Variants in HDAC5 observed in about 807,000 individuals in gnomAD.
HDAC5 encodes antigen NY-CO-9.
A neutral mutation model predicts 133.3 loss-of-function variants in HDAC5; 25 were observed. The observed-to-expected ratio is 0.19, with a 90% CI of 0.14 to 0.26. The LOEUF (loss-of-function observed/expected upper bound fraction) is 0.26, where lower values mean the gene tolerates loss of function less well. HDAC5 is among the 10% of genes least tolerant of loss of function. The pLI is 1.00. For synonymous variants in HDAC5, 589 were observed against 610.8 expected (o/e 0.96, Z 0.53); for missense variants, 1,041 against 1,460.5 (o/e 0.71, Z 4.68).
intron 2 of HDAC5, among the ~76,000 whole-genome samples, chr17:44,112,424 C>T (rs2052401757): frequency 6.6e-6 from 1 of 152,138 alleles, no homozygotes; most frequent in Non-Finnish European, 1.5e-5. Context: ...GCCCCCTGAC[C>T]TCACTAGAGC....
chr17:44,117,782 T>G lies in HDAC5; in HGVS notation c.-189-78A>C, dbSNP rs2052737794. On this transcript the variant is annotated intron_variant, in intron 1 of 26. Coordinates refer to ENST00000682912, the MANE Select transcript of HDAC5 (RefSeq NM_005474.5). The surrounding 1 kb of genome is among the most constrained non-coding windows in gnomAD (Gnocchi z 4.2). ...CGAAGGAGACCTTGGAGCTCATCAG[T>G]TTGTACCTGGGGATGAGGGATGAGA... 3.4e-5 allele frequency: 20 copies of G among 586,942 alleles called. No individual in the cohort carries two copies. The South Asian group carries it at 4.1e-4, about 12-fold the overall frequency. 36.4% of individuals were successfully genotyped at this position (586,942 alleles called of 1,614,324 possible).
At chr17:44,079,442 C>G (rs1273450301) in intron 23 of HDAC5, 165 bp from the exon 24 acceptor site, 7 of 578,762 alleles carry the variant, frequency 1.2e-5, no homozygotes, top group Non-Finnish European at 2.1e-5. Context: ...GAGTTCGAGA[C>G]CAGCCTGACC....
At position 44,117,191 on chromosome 17, in the gene HDAC5, C is replaced by G. The variant is rs2052699513; in HGVS notation, c.22+303G>C. 6.6e-6 allele frequency among the ~76,000 whole-genome samples: 1 copy of G among 152,264 alleles called. No homozygotes were observed. Among genetic ancestry groups the G allele is most frequent in the African/African-American group, 2.4e-5 (1 of 41,468 alleles). ...GATTAAGGGATACACACTGCCCCCT[C>G]AGGCCCACCTGTCTTGGCTAGCAGG... On this transcript the variant is annotated intron_variant, in intron 2 of 26. Transcript: ENST00000682912. This position sits in a 1 kb window ranked among gnomAD's most constrained non-coding sequence, Gnocchi z 4.2.
intron 3 of HDAC5, among the ~76,000 whole-genome samples, chr17:44,105,848 C>G (rs538450275): frequency 6.6e-6 from 1 of 152,312 alleles, no homozygotes; most frequent in Non-Finnish European, 1.5e-5. Context: ...CCCTGTGACC[C>G]ATGTCCACAC....
chr17:44,099,247 G>A (rs886737106), intron 3 of HDAC5, among the ~76,000 whole-genome samples: 3 of 152,176 alleles, frequency 2.0e-5, no homozygotes, highest in Non-Finnish European at 4.4e-5. Context: ...GCCACCTCCT[G>A]CAGAGGTCAG....
chr17:44,091,527 G>C, intron 10 of HDAC5, 35 bp from the exon 11 acceptor site: 1 of 1,531,058 alleles, frequency 6.5e-7, no homozygotes, highest in Non-Finnish European at 8.8e-7. Context: ...TACAGCCTCA[G>C]TCCTGCCAAC....
chr17:44,079,510 C>G lies in HDAC5; in HGVS notation c.2945-233G>C, dbSNP rs183321733. 5.8e-3 allele frequency among the ~76,000 whole-genome samples: 887 copies of G among 151,822 alleles called. 10 individuals are homozygous for G. Among genetic ancestry groups the G allele is most frequent in the African/African-American group, 0.02 (830 of 41,398 alleles). ...CAATAATTAGCCGGCCATGGTGGCA[C>G]GCGCCTGTAATCCCAGCTACTTGGG... On this transcript the variant is annotated intron_variant, in intron 23 of 26. Coordinates refer to ENST00000682912, the MANE Select transcript of HDAC5 (RefSeq NM_005474.5).
intron 11 of HDAC5, among the ~76,000 whole-genome samples, chr17:44,089,910 C>T (rs144340981): frequency 0.014 from 1,569 of 111,324 alleles, 32 homozygotes; most frequent in African/African-American, 0.048. Context: ...CCAGCCTGGG[C>T]AACAAAGTGA....
At chr17:44,079,697 G>A (rs1406331646) in intron 23 of HDAC5, among the ~76,000 whole-genome samples, 1 of 151,586 alleles carries the variant, frequency 6.6e-6, no homozygotes, top group African/African-American at 2.4e-5. Context: ...CAAGAGGTGG[G>A]ACAAATAGCA....
Position 44,093,360 on chromosome 17 carries a change from C to T in HDAC5, c.480G>A (p.Leu160=), listed in dbSNP as rs1488753161. ...QRQEELEKQR[L]EQQLLILRNK... The stretch of plus-strand genomic sequence containing the variant: ...TCCGCAGGATGAGCAGCTGCTGCTC[C>T]AGCCGCTGCTTCTCCAGCTCTTCCT... Residue 160 remains leucine (L), a synonymous_variant, in exon 5 of 27, where the codon CTG becomes CTA. Transcript: ENST00000682912. 7.0e-6 allele frequency: 11 copies of T among 1,581,366 alleles called. No individual in the cohort carries two copies. The highest frequency in any genetic ancestry group is 5.4e-5 in the African/African-American group (4 of 74,472).
At chr17:44,093,864 G>C in intron 3 of HDAC5, 30 bp from the exon 4 acceptor site, 1 of 1,461,456 alleles carries the variant, frequency 6.8e-7, no homozygotes. Context: ...GAAGGAGTTA[G>C]TGGGCCCAGC....
chr17:44,111,967 C>T (rs2052373862), intron 2 of HDAC5, among the ~76,000 whole-genome samples: 1 of 152,164 alleles, frequency 6.6e-6, no homozygotes, highest in African/African-American at 2.4e-5. Context: ...GTGCTACGAA[C>T]ATCATATACA....
intron 8 of HDAC5, 34 bp from the exon 9 acceptor site, chr17:44,092,318 G>A (rs770066418): frequency 3.1e-6 from 5 of 1,613,304 alleles, no homozygotes; most frequent in Non-Finnish European, 4.2e-6. Flanking sequence ...TGGGCCTGCT[G>A]TGAACTACCC....
At chr17:44,100,229 C>T (rs1242724700) in intron 3 of HDAC5, among the ~76,000 whole-genome samples, 3 of 152,124 alleles carry the variant, frequency 2.0e-5, no homozygotes, top group African/African-American at 7.2e-5. Flanking sequence ...TCTGAACACA[C>T]CATGAGCTGC....
intron 1 of HDAC5, among the ~76,000 whole-genome samples, chr17:44,122,452 A>G (rs1381174926): frequency 6.6e-6 from 1 of 151,938 alleles, no homozygotes; most frequent in Admixed American, 6.6e-5. Flanking sequence ...CCCAAGCTCC[A>G]AATCTAATCC....
In HDAC5 at chr17:44,101,908, G is replaced by A. The variant is rs1049195461; in HGVS notation, c.95-8074C>T. Among the ~76,000 whole-genome samples, 5 of 152,198 alleles carry A rather than the reference G, an allele frequency of 3.3e-5. No individual in the cohort carries two copies. The East Asian group carries it at 5.8e-4, about 18-fold the overall frequency. The stretch of plus-strand genomic sequence containing the variant: ...TAGGGGGAGGGGGGCAGGGAAGGAT[G>A]TACAAGGGCTGGTGTTCAACTTTAT... On this transcript the variant is annotated intron_variant, in intron 3 of 26. Transcript: ENST00000682912.
In HDAC5 at chr17:44,117,602, AACAG is replaced by A. The variant is rs1357470689; in HGVS notation, c.-91_-88del. ...GGTGATGTCAAGAGAGACAGACGAT[AACAG>A]ACAGACGGACGGGACGGGAGCCCGG... On this transcript the variant is annotated 5_prime_UTR_variant, in exon 2 of 27. It removes the in-frame stop codon of an upstream open reading frame in the 5' UTR. Coordinates refer to ENST00000682912, the MANE Select transcript of HDAC5 (RefSeq NM_005474.5). This position sits in a 1 kb window ranked among gnomAD's most constrained non-coding sequence, Gnocchi z 4.2. 8.0e-6 allele frequency: 12 copies of A among 1,501,460 alleles called. No homozygotes were observed. The highest frequency in any genetic ancestry group is 1.7e-4 in the Middle Eastern group (1 of 5,800). 93.0% of individuals were successfully genotyped at this position (1,501,460 alleles called of 1,614,324 possible).
chr17:44,114,442 G>C (rs7220923), intron 2 of HDAC5, among the ~76,000 whole-genome samples: 4,792 of 152,096 alleles, frequency 0.032, 162 homozygotes, highest in African/African-American at 0.084. Flanking sequence ...AGGCGTGGGG[G>C]GGGGGGGCTG....
chr17:44,111,523 C>A (rs1006461534), intron 2 of HDAC5: 7 of 483,098 alleles, frequency 1.4e-5, no homozygotes, highest in African/African-American at 1.2e-4. Context: ...TCTTGGCAAG[C>A]AAGCCAGGGG....
Sources: gnomAD v4.1 joint callset for allele counts (sites outside exome capture counted in the v4.1 genomes callset) on GRCh38, gnomAD v4.1.1 for gene constraint, Gnocchi (gnomAD v3.1) non-coding constraint, MANE v1.5 for transcripts, NCBI Gene and HGNC (gene_info 2026-07-23, HGNC 2026-07-21) for gene names.